WDR7: variants seen among roughly 807,000 people sequenced by gnomAD.
WDR7 encodes the protein WD repeat domain 7, also known as WD repeat-containing protein 7.
WDR7 carries 46 observed loss-of-function variants against 169.4 expected under a neutral mutation model. That is an observed-to-expected ratio of 0.27 (90% confidence interval 0.21 to 0.35). WDR7 has a LOEUF of 0.35. Ranked by LOEUF, WDR7 falls within the 10% of genes least tolerant of loss-of-function variation. The probability of loss-of-function intolerance (pLI) is 1.00; values close to 1 mark genes in which losing one functional copy is unlikely to be tolerated. For missense variants in WDR7, 1,534 were observed against 1,859.3 expected, an observed-to-expected ratio of 0.83 and a Z score of 3.22; for synonymous variants, 612 against 666.8, an observed-to-expected ratio of 0.92 and a Z score of 1.27.
At chr18:56,677,633 G>A (rs1325789021) in intron 2 of WDR7, among the ~76,000 whole-genome samples, 1 of 152,186 alleles carries the variant, frequency 6.6e-6, no homozygotes, top group African/African-American at 2.4e-5. Context: ...TTTTAGGCAT[G>A]AGCCACTGTG....
rs920349974 is a variant in WDR7, at chr18:56,825,325, T to A, written c.3304+9181T>A. On this transcript the variant is annotated intron_variant, in intron 20 of 27. Transcript: ENST00000254442. The stretch of plus-strand genomic sequence containing the variant: ...GGCAAATAAATAGTAATTAACACCA[T>A]CTTTGCAAACTTATGTAAAAGAACA... Among the ~76,000 whole-genome samples the A allele has an allele frequency of 2.0e-5, 3 of 152,254 alleles. No homozygotes were observed. In the East Asian group the frequency reaches 5.8e-4, roughly 29 times the overall value.
chr18:56,758,993 A>G, intron 16 of WDR7, 40 bp downstream of exon 16: 1 of 1,539,522 alleles, frequency 6.5e-7, no homozygotes, highest in Non-Finnish European at 8.9e-7. Flanking sequence ...ATGACATTTC[A>G]GCTCTAGAAA....
At chr18:56,699,769 C>A in intron 12 of WDR7, 1 of 938,908 alleles carries the variant, frequency 1.1e-6, no homozygotes, top group Non-Finnish European at 1.3e-6. Context: ...CTAAATAATT[C>A]ATTATTTGTC....
At chr18:56,681,957 T>C (rs1747777632) in intron 4 of WDR7, among the ~76,000 whole-genome samples, 1 of 152,224 alleles carries the variant, frequency 6.6e-6, no homozygotes, top group Admixed American at 6.5e-5. Context: ...TGTCTAATTC[T>C]CTGTACTTCA....
intron 20 of WDR7, among the ~76,000 whole-genome samples, chr18:56,826,593 CT>C (rs2145261320): frequency 6.6e-6 from 1 of 152,160 alleles, no homozygotes; most frequent in African/African-American, 2.4e-5. Flanking sequence ...AGCCATAAAC[CT>C]GAATGTATTT....
At chr18:56,736,126 TCTTTAAAACAAA>T (rs1439154008) in intron 14 of WDR7, among the ~76,000 whole-genome samples, 2 of 152,160 alleles carry the variant, frequency 1.3e-5, no homozygotes, top group African/African-American at 4.8e-5. Context: ...TGTCCTGTCA[TCTTTAAAACAAA>T]CTTTAAAACA....
intron 20 of WDR7, among the ~76,000 whole-genome samples, chr18:56,864,379 C>T (rs2045852233): frequency 6.6e-6 from 1 of 151,546 alleles, no homozygotes; most frequent in South Asian, 2.1e-4. Flanking sequence ...TGTTATAAAA[C>T]TGTAAATGAG....
At chr18:56,746,878 G>A (rs2043713148) in intron 14 of WDR7, among the ~76,000 whole-genome samples, 1 of 152,086 alleles carries the variant, frequency 6.6e-6, no homozygotes, top group Non-Finnish European at 1.5e-5. Flanking sequence ...GATGCTATTA[G>A]CACCCTTCCA....
intron 20 of WDR7, among the ~76,000 whole-genome samples, chr18:56,826,587 A>G (rs1459502289): frequency 6.6e-5 from 10 of 152,234 alleles, no homozygotes; most frequent in Non-Finnish European, 1.2e-4. Flanking sequence ...GAAGATAGCC[A>G]TAAACCTGAA....
chr18:56,745,427 G>C (rs56126047), intron 14 of WDR7, among the ~76,000 whole-genome samples: 1 of 152,144 alleles, frequency 6.6e-6, no homozygotes, highest in Admixed American at 6.5e-5. Context: ...GACTGGTTTC[G>C]TGGAAGACGG....
intron 21 of WDR7, among the ~76,000 whole-genome samples, chr18:56,919,702 C>T (rs917228975): frequency 2.6e-5 from 4 of 152,042 alleles, no homozygotes; most frequent in African/African-American, 7.2e-5. Context: ...TACACCTAAC[C>T]ACTTGTCCTC....
At chr18:56,806,578 G>A (rs2044777378) in intron 19 of WDR7, among the ~76,000 whole-genome samples, 1 of 152,020 alleles carries the variant, frequency 6.6e-6, no homozygotes, top group Non-Finnish European at 1.5e-5. Flanking sequence ...TACATCATTG[G>A]CCTCATTGCT....
chr18:57,023,093 T>C (rs759695556), intron 27 of WDR7, among the ~76,000 whole-genome samples: 11 of 152,372 alleles, frequency 7.2e-5, no homozygotes, highest in Middle Eastern at 3.4e-3. Context: ...AAACTCAGTC[T>C]TGAAATTTTA....
At chr18:56,888,787 G>A (rs1218710516) in intron 21 of WDR7, among the ~76,000 whole-genome samples, 1 of 152,112 alleles carries the variant, frequency 6.6e-6, no homozygotes, top group Non-Finnish European at 1.5e-5. Context: ...GGCAAGTGTC[G>A]TAAGTCATTT....
chr18:57,021,723 A>G (rs2048295431), intron 27 of WDR7, among the ~76,000 whole-genome samples: 1 of 152,200 alleles, frequency 6.6e-6, no homozygotes, highest in Non-Finnish European at 1.5e-5. Context: ...AAGAAATTAA[A>G]CACCCCCAAA....
intron 26 of WDR7, among the ~76,000 whole-genome samples, chr18:57,017,477 CTGTGTGTGTGTGTGTGTGTG>C (rs57440164): frequency 5.9e-5 from 8 of 134,726 alleles, no homozygotes; most frequent in African/African-American, 1.2e-4. Flanking sequence ...CCAAGTCATG[CTGTGTGTGTGTGTGTGTGTG>C]TGTGTGTGTG....
chr18:56,791,648 A>G (rs2044486939), intron 19 of WDR7, among the ~76,000 whole-genome samples: 1 of 152,228 alleles, frequency 6.6e-6, no homozygotes, highest in Admixed American at 6.5e-5. Context: ...CTAAAGAGCC[A>G]TGGTGCTTTT....
chr18:56,988,091 T>G (rs2047751123), intron 26 of WDR7, among the ~76,000 whole-genome samples: 1 of 152,330 alleles, frequency 6.6e-6, no homozygotes, highest in African/African-American at 2.4e-5. Flanking sequence ...TCACGCCTCC[T>G]TCAGCCACCA....
chr18:56,858,894 C>T (rs1172476019), intron 20 of WDR7, among the ~76,000 whole-genome samples: 2 of 152,054 alleles, frequency 1.3e-5, no homozygotes, highest in Admixed American at 6.6e-5. Flanking sequence ...GGTTGAGGGG[C>T]AGTAAGTAGA....
Sources: allele counts gnomAD v4.1 joint callset (sites outside exome capture counted in the v4.1 genomes callset), GRCh38; gene constraint gnomAD v4.1.1; transcripts MANE v1.5; gene names NCBI Gene and HGNC (gene_info 2026-07-23, HGNC 2026-07-21).